The following CD302 variants were observed in gnomAD, a reference collection of about 807,000 sequenced individuals.
CD302 encodes CD302 molecule, also known as CD302 antigen.
Under a neutral mutation model 26.5 loss-of-function variants are expected in CD302, and 23 were observed. That is an observed-to-expected ratio of 0.87 (90% confidence interval 0.62 to 1.23). The LOEUF (loss-of-function observed/expected upper bound fraction) is 1.23. CD302 is among the 50% of genes most tolerant of loss of function. The pLI is 0.00. For missense variants in CD302, 290 were observed against 275.5 expected (o/e 1.05, Z -0.37); for synonymous variants, 90 against 99.4 (o/e 0.91, Z 0.56).
chr2:159,787,942 T>TA, intron 1 of CD302, among the ~76,000 whole-genome samples: 1 of 151,978 alleles, frequency 6.6e-6, no homozygotes, highest in East Asian at 1.9e-4. Flanking sequence ...CTGTCTCTAC[T>TA]AAAAAATACA....
Position 159,770,049 on chromosome 2 carries a change from T to TA in CD302, c.*1801dup, listed in dbSNP as rs1210906842. On this transcript the variant is annotated 3_prime_UTR_variant, in exon 6 of 6. Coordinates refer to ENST00000259053, the MANE Select transcript of CD302 (RefSeq NM_014880.5). ...GAGACTGTTGGTTTTAAGTTGGACT[T>TA]AATCACTTTCCTACCCAAATTCTAC... 6.6e-6 allele frequency: 1 copy of TA among 152,200 alleles called. No individual in the cohort carries two copies. Among genetic ancestry groups the TA allele is most frequent in the Non-Finnish European group, 1.5e-5 (1 of 68,040 alleles). The allele number at this position is 152,200 out of a possible 1,614,324, so 9.4% of individuals were successfully genotyped here.
chr2:159,793,054 G>A (rs1200054649), intron 1 of CD302, among the ~76,000 whole-genome samples: 2 of 152,144 alleles, frequency 1.3e-5, no homozygotes, highest in African/African-American at 4.8e-5. Context: ...AAACTAAGTC[G>A]TCTTCAACGC....
chr2:159,780,246 G>A, intron 3 of CD302, 68 bp from the exon 4 acceptor site: 1 of 1,542,990 alleles, frequency 6.5e-7, no homozygotes, highest in Middle Eastern at 1.8e-4. Flanking sequence ...AAAGGGTGTA[G>A]GATTAAAGGT....
At chr2:159,791,233 T>C (rs1708798760) in intron 1 of CD302, among the ~76,000 whole-genome samples, 1 of 152,204 alleles carries the variant, frequency 6.6e-6, no homozygotes. Flanking sequence ...GATAGATTTA[T>C]TGTACAGATA....
chr2:159,797,864 G>A (rs1350823393), intron 1 of CD302, among the ~76,000 whole-genome samples: 2 of 152,206 alleles, frequency 1.3e-5, no homozygotes, highest in Non-Finnish European at 2.9e-5. Flanking sequence ...CCCTCCCCGC[G>A]GAGTGGGGTC....
chr2:159,772,085 A>AAATT (rs1213919137), intron 5 of CD302, 32 bp from the exon 6 acceptor site: 25 of 1,605,120 alleles, frequency 1.6e-5, no homozygotes, highest in Non-Finnish European at 2.1e-5. Flanking sequence ...AGTATTTGGG[A>AAATT]AATTAGGGTA....
rs775552908 is a variant in CD302, at chr2:159,771,931, T to C, written c.619A>G (p.Thr207Ala). ...TCATTATAAGGTGATTGGGGTGCGG[T>C]TGAAAAAACTGTGGTGAAACGAGAA... is the stretch of plus-strand genomic sequence containing the variant. ...SDSRFTTVFS[T>A]APQSPYNEDC... The change falls in exon 6 of 6, where the codon ACC becomes GCC. Residue 207 changes from threonine to alanine, a missense_variant. Coordinates refer to ENST00000259053, the MANE Select transcript of CD302 (RefSeq NM_014880.5). The C allele has an allele frequency of 9.9e-6, 16 of 1,613,890 alleles. No individual in the cohort carries two copies. The highest frequency in any genetic ancestry group is 6.7e-5 in the African/African-American group (5 of 74,908).
chr2:159,782,077 G>A (rs1708529413), intron 2 of CD302, among the ~76,000 whole-genome samples: 1 of 151,964 alleles, frequency 6.6e-6, no homozygotes, highest in Non-Finnish European at 1.5e-5. Context: ...CACCAGCCTG[G>A]TTAACGTGGT....
intron 1 of CD302, among the ~76,000 whole-genome samples, chr2:159,786,332 C>CTTTTTT (rs56163054): frequency 6.2e-5 from 7 of 112,680 alleles, no homozygotes; most frequent in South Asian, 2.9e-4. Context: ...TTGTCTTTTT[C>CTTTTTT]TTTTTTTTTT....
chr2:159,771,713 G>A lies in CD302; in HGVS notation c.*138C>T. On this transcript the variant is annotated 3_prime_UTR_variant, in exon 6 of 6. Transcript: ENST00000259053. ...AACCTAAAGACTTTTCACAGCAGAT[G>A]AGTACATAAAAATGTTACTGGAATA... The A allele has an allele frequency of 1.0e-6, 1 of 965,354 alleles. No homozygotes were observed. Among genetic ancestry groups the A allele is most frequent in the Non-Finnish European group, 1.5e-6 (1 of 660,476 alleles). The allele number at this position is 965,354 out of a possible 1,614,324, so 59.8% of individuals were successfully genotyped here.
At chr2:159,793,274 C>CTTA (rs1280378950) in intron 1 of CD302, among the ~76,000 whole-genome samples, 1 of 152,080 alleles carries the variant, frequency 6.6e-6, no homozygotes, top group African/African-American at 2.4e-5. Flanking sequence ...AAAAGCTGTA[C>CTTA]TTAGCATAAC....
chr2:159,794,248 G>A (rs1708883610), intron 1 of CD302, among the ~76,000 whole-genome samples: 1 of 129,200 alleles, frequency 7.7e-6, no homozygotes, highest in South Asian at 2.3e-4. Flanking sequence ...CTGGGTGACA[G>A]AGTGAGGCCC....
At chr2:159,773,238 C>T (rs183664410) in intron 5 of CD302, among the ~76,000 whole-genome samples, 2 of 152,222 alleles carry the variant, frequency 1.3e-5, no homozygotes, top group Non-Finnish European at 2.9e-5. Context: ...GGTCCGAAAC[C>T]CCTGGCTTCA....
chr2:159,795,139 C>G (rs111228678), intron 1 of CD302, among the ~76,000 whole-genome samples: 6,265 of 151,464 alleles, frequency 0.041, 411 homozygotes, highest in African/African-American at 0.14. Context: ...AGGAGAATTG[C>G]TTGAACCCAG....
chr2:159,796,431 G>A (rs572875470), intron 1 of CD302, among the ~76,000 whole-genome samples: 5 of 152,290 alleles, frequency 3.3e-5, no homozygotes, highest in Middle Eastern at 3.4e-3. Context: ...AGAGAATAAA[G>A]GGAAGGAAAC....
Position 159,769,380 on chromosome 2 carries a change from C to G in CD302, c.*2471G>C, listed in dbSNP as rs1180696402. On this transcript the variant is annotated 3_prime_UTR_variant, in exon 6 of 6. Coordinates refer to ENST00000259053, the MANE Select transcript of CD302 (RefSeq NM_014880.5). The stretch of plus-strand genomic sequence containing the variant: ...AATGTAGGCCAAGTGTGGTGGCTCA[C>G]GCATGTAATCCCAGCACTTTGGGAG... 1 of 152,174 alleles carries G rather than the reference C, an allele frequency of 6.6e-6. No homozygotes were observed. The highest frequency in any genetic ancestry group is 2.4e-5 in the African/African-American group (1 of 41,408). The allele number at this position is 152,174 out of a possible 1,614,324, so 9.4% of individuals were successfully genotyped here. A position where few individuals can be genotyped will look rare whatever the true frequency, so the allele number is the denominator to read the frequency against.
In CD302 at chr2:159,771,317, A is replaced by G. The variant is rs1708139229; in HGVS notation, c.*534T>C. The stretch of plus-strand genomic sequence containing the variant: ...TCATTTGTGATAAAATGGTGTGTGT[A>G]AAAGTAATGAAACTAAAATTGGTGT... On this transcript the variant is annotated 3_prime_UTR_variant, in exon 6 of 6. Transcript: ENST00000259053. 6.5e-6 allele frequency: 1 copy of G among 153,254 alleles called. No homozygotes were observed. The highest frequency in any genetic ancestry group is 1.5e-5 in the Non-Finnish European group (1 of 68,834). 9.5% of individuals were successfully genotyped at this position (153,254 alleles called of 1,614,324 possible). A position where few individuals can be genotyped will look rare whatever the true frequency, so the allele number is the denominator to read the frequency against.
chr2:159,781,716 A>G (rs908184723), intron 2 of CD302, among the ~76,000 whole-genome samples: 4 of 152,224 alleles, frequency 2.6e-5, no homozygotes, highest in African/African-American at 9.6e-5. Context: ...TTTTATTTCA[A>G]CTGCCTTGAA....
chr2:159,797,220 G>GT (rs1682460195), intron 1 of CD302, among the ~76,000 whole-genome samples: 1 of 118,814 alleles, frequency 8.4e-6, no homozygotes, highest in African/African-American at 3.2e-5. Flanking sequence ...TGGGGCAAGG[G>GT]GTGGGGGGGG....
Sources: allele counts gnomAD v4.1 joint callset (sites outside exome capture counted in the v4.1 genomes callset), GRCh38; gene constraint gnomAD v4.1.1; transcripts MANE v1.5; gene names NCBI Gene and HGNC (gene_info 2026-07-23, HGNC 2026-07-21).